The following MYO3B variants were observed in gnomAD, a reference collection of about 807,000 sequenced individuals.
The protein encoded by MYO3B is myosin IIIB.
A neutral mutation model predicts 174.6 loss-of-function variants in MYO3B; 156 were observed. That is an observed-to-expected ratio of 0.89 (90% confidence interval 0.78 to 1.02). MYO3B has a LOEUF of 1.02. Among genes scored for constraint, MYO3B ranks in the 50% least tolerant of loss-of-function variants. The pLI is 0.00. For synonymous variants in MYO3B, 563 were observed against 569.1 expected (o/e 0.99, Z 0.15); for missense variants, 1,632 against 1,639.4 (o/e 1.00, Z 0.08).
intron 7 of MYO3B, among the ~76,000 whole-genome samples, chr2:170,244,935 G>A (rs1156656552): frequency 4.6e-5 from 7 of 152,178 alleles, no homozygotes; most frequent in East Asian, 3.8e-4. Flanking sequence ...ATCACAGCCC[G>A]GGAAAGATTG....
In MYO3B at chr2:170,568,285, A is replaced by C. The variant is rs568931753; in HGVS notation, c.3733+24297A>C. Among the ~76,000 whole-genome samples, 108 of 152,254 alleles carry C rather than the reference A, an allele frequency of 7.1e-4. 1 individual carries two copies. Among genetic ancestry groups the C allele is most frequent in the African/African-American group, 2.5e-3 (102 of 41,536 alleles). On this transcript the variant is annotated intron_variant, in intron 32 of 34. Transcript: ENST00000408978. ...TGGTATATATTCCCAGATACTATGCACAATGCATTTGGTAATAACAGGGGC... is the reference window on the plus strand; with the variant it reads ...TGGTATATATTCCCAGATACTATGCCCAATGCATTTGGTAATAACAGGGGC...
chr2:170,551,180 A>G (rs921599112), intron 32 of MYO3B, among the ~76,000 whole-genome samples: 1 of 151,866 alleles, frequency 6.6e-6, no homozygotes, highest in Non-Finnish European at 1.5e-5. Context: ...GATTACAGGC[A>G]TGAGCCACCA....
At chr2:170,364,510 C>G (rs1049573769) in intron 8 of MYO3B, among the ~76,000 whole-genome samples, 1 of 152,116 alleles carries the variant, frequency 6.6e-6, no homozygotes, top group African/African-American at 2.4e-5. Flanking sequence ...TTTATGCATC[C>G]TTTTGTAAAA....
intron 10 of MYO3B, 59 bp from the exon 11 acceptor site, chr2:170,383,014 A>T: frequency 1.9e-6 from 2 of 1,064,094 alleles, no homozygotes; most frequent in Non-Finnish European, 2.9e-6. Flanking sequence ...TGTCATTTTT[A>T]GAATCTATCC....
chr2:170,510,836 C>T (rs75232715), intron 28 of MYO3B, among the ~76,000 whole-genome samples: 9,867 of 152,160 alleles, frequency 0.065, 822 homozygotes, highest in African/African-American at 0.19. Context: ...AGTCATACAG[C>T]GTGAAACTTT....
intron 6 of MYO3B, among the ~76,000 whole-genome samples, chr2:170,221,388 G>A (rs1481381246): frequency 6.6e-6 from 1 of 152,020 alleles, no homozygotes; most frequent in African/African-American, 2.4e-5. Context: ...GCTTGAGTAA[G>A]TGTAATATTT....
chr2:170,502,679 CCT>C, intron 28 of MYO3B, among the ~76,000 whole-genome samples: 1 of 152,268 alleles, frequency 6.6e-6, no homozygotes, highest in Non-Finnish European at 1.5e-5. Flanking sequence ...GAAACAGGCC[CCT>C]GAGCTCCAGG....
chr2:170,644,417 G>A (rs1698216338), intron 32 of MYO3B: 1 of 152,024 alleles, frequency 6.6e-6, no homozygotes, highest in Admixed American at 6.6e-5. Flanking sequence ...CTCCCCAATA[G>A]CTGGAATTAC....
intron 3 of MYO3B, among the ~76,000 whole-genome samples, chr2:170,201,058 G>A (rs1232160833): frequency 6.6e-6 from 1 of 152,108 alleles, no homozygotes; most frequent in Admixed American, 6.6e-5. Context: ...AATCTGAAGG[G>A]AACAACACTG....
chr2:170,284,835 C>A, intron 7 of MYO3B, among the ~76,000 whole-genome samples: 1 of 152,106 alleles, frequency 6.6e-6, no homozygotes, highest in East Asian at 1.9e-4. Context: ...TATAGATGAC[C>A]ATCACAATAA....
intron 7 of MYO3B, among the ~76,000 whole-genome samples, chr2:170,272,981 A>C (rs1469613865): frequency 6.6e-6 from 1 of 152,174 alleles, no homozygotes; most frequent in Non-Finnish European, 1.5e-5. Context: ...CATTATGGGA[A>C]GGAGTATTGG....
chr2:170,448,043 A>C (rs973791891), intron 23 of MYO3B, among the ~76,000 whole-genome samples: 1 of 152,178 alleles, frequency 6.6e-6, no homozygotes, highest in African/African-American at 2.4e-5. Flanking sequence ...CCCCAGGAGC[A>C]ATCTGGGGAG....
intron 9 of MYO3B, among the ~76,000 whole-genome samples, chr2:170,380,089 G>A (rs2094324208): frequency 6.6e-6 from 1 of 152,194 alleles, no homozygotes; most frequent in South Asian, 2.1e-4. Flanking sequence ...AAAACTTTCA[G>A]TCAACACCAG....
chr2:170,361,577 A>G (rs539969178), intron 8 of MYO3B, among the ~76,000 whole-genome samples: 15 of 152,244 alleles, frequency 9.9e-5, no homozygotes, highest in Non-Finnish European at 1.8e-4. Context: ...TAGCTTAAAC[A>G]TAAGAAGGAG....
intron 1 of MYO3B, among the ~76,000 whole-genome samples, chr2:170,181,998 T>C (rs1421208684): frequency 6.6e-6 from 1 of 152,152 alleles, no homozygotes; most frequent in Non-Finnish European, 1.5e-5. Flanking sequence ...GCATCTTTTA[T>C]ACATTTAAAT....
chr2:170,215,496 G>A (rs13024459), intron 5 of MYO3B, among the ~76,000 whole-genome samples: 59,369 of 151,902 alleles, frequency 0.39, 11,572 homozygotes, highest in East Asian at 0.45. Context: ...AATGAGTTCA[G>A]CAATAGTACT....
chr2:170,299,110 A>G (rs1051466486), intron 7 of MYO3B, among the ~76,000 whole-genome samples: 3 of 152,144 alleles, frequency 2.0e-5, no homozygotes, highest in African/African-American at 7.2e-5. Context: ...GTGATGCATG[A>G]CTGTATTATG....
intron 7 of MYO3B, among the ~76,000 whole-genome samples, chr2:170,276,083 T>C (rs4668230): frequency 0.012 from 1,804 of 152,318 alleles, 133 homozygotes; most frequent in Admixed American, 0.11. Context: ...AGATTACTTA[T>C]AAATTTTACT....
intron 32 of MYO3B, among the ~76,000 whole-genome samples, chr2:170,633,515 T>C (rs1490643468): frequency 1.3e-5 from 2 of 152,182 alleles, no homozygotes; most frequent in Non-Finnish European, 2.9e-5. Flanking sequence ...GCCAGTATCA[T>C]ACTGAATGGG....
Sources: gnomAD v4.1 joint callset for allele counts (sites outside exome capture counted in the v4.1 genomes callset) on GRCh38, gnomAD v4.1.1 for gene constraint, MANE v1.5 for transcripts, NCBI Gene and HGNC (gene_info 2026-07-23, HGNC 2026-07-21) for gene names.